Variants in FAM204A observed in about 807,000 individuals in gnomAD.
The protein encoded by FAM204A is protein FAM204A.
FAM204A carries 16 observed loss-of-function variants against 35.4 expected under a neutral mutation model. That is an observed-to-expected ratio of 0.45 (90% CI 0.31 to 0.69). FAM204A has a LOEUF of 0.69. Ranked by LOEUF, FAM204A falls within the 30% of genes least tolerant of loss-of-function variation. The pLI is 0.07. For missense variants in FAM204A, 240 were observed against 265.7 expected, an observed-to-expected ratio of 0.90 and a Z score of 0.67; for synonymous variants, 76 against 86.9, an observed-to-expected ratio of 0.88 and a Z score of 0.70.
intron 6 of FAM204A, among the ~76,000 whole-genome samples, chr10:118,332,742 C>A (rs1016403670): frequency 6.6e-6 from 1 of 152,126 alleles, no homozygotes; most frequent in East Asian, 1.9e-4. Flanking sequence ...TTGAAAAATT[C>A]ATCAAAGACA....
intron 7 of FAM204A, among the ~76,000 whole-genome samples, chr10:118,325,255 G>C (rs985069713): frequency 1.3e-5 from 2 of 152,144 alleles, no homozygotes; most frequent in African/African-American, 4.8e-5. Context: ...AATGATGGAA[G>C]AGTGCAACAG....
Position 118,326,229 on chromosome 10 carries a change from C to G in FAM204A, c.468G>C (p.Lys156Asn). 6.2e-7 allele frequency: 1 copy of G among 1,613,442 alleles called. No individual in the cohort carries two copies. Among genetic ancestry groups the G allele is most frequent in the Non-Finnish European group, 8.5e-7 (1 of 1,179,730 alleles). The change falls in exon 7 of 9, where the codon AAG becomes AAC. Residue 156 changes from lysine (K) to asparagine (N), a missense_variant. Transcript: ENST00000369183. ...ACTCCTCCACAGCCTGGTCTATCCTCTTTTCAAGGCCTGACTAGAAAAAAA... is the reference window on the plus strand; with the variant it reads ...ACTCCTCCACAGCCTGGTCTATCCTGTTTTCAAGGCCTGACTAGAAAAAAA... ...RKKVEKSGLE[K>N]RIDQAVEEWN...
rs575127644 is a variant in FAM204A at position 118,309,165 on chromosome 10, A to T, written c.*1692T>A. 2.4e-4 allele frequency: 36 copies of T among 152,350 alleles called. No homozygotes were observed. The highest frequency in any genetic ancestry group is 8.4e-4 in the African/African-American group (35 of 41,572). 9.4% of individuals were successfully genotyped at this position (152,350 alleles called of 1,614,324 possible). A position where few individuals can be genotyped will look rare whatever the true frequency, so the allele number is the denominator to read the frequency against. ...ATGGAACAAGGGATATTAAATCATA[A>T]AATAAGACTTTCCAACATTTGGTCT... On this transcript the variant is annotated 3_prime_UTR_variant, in exon 9 of 9. Transcript: ENST00000369183.
rs114936377 is a variant in FAM204A at position 118,327,402 on chromosome 10, C to A, written c.454-1159G>T. Among the ~76,000 whole-genome samples the A allele has an allele frequency of 8.5e-3, 1,296 of 152,322 alleles. 20 individuals are homozygous for A. The highest frequency in any genetic ancestry group is 0.03 in the African/African-American group (1,231 of 41,558). ...GCTAAGAGAAGACGATTCCTTCTCACAGACCCCACCTAAGTACTTAATACC... is the reference window on the plus strand; with the variant it reads ...GCTAAGAGAAGACGATTCCTTCTCAAAGACCCCACCTAAGTACTTAATACC... On this transcript the variant is annotated intron_variant, in intron 6 of 8. Transcript: ENST00000369183.
At chr10:118,325,842 C>T (rs1308144011) in intron 7 of FAM204A, among the ~76,000 whole-genome samples, 1 of 152,016 alleles carries the variant, frequency 6.6e-6, no homozygotes, top group Non-Finnish European at 1.5e-5. Flanking sequence ...GTTAAAGATG[C>T]AAACGGAAAA....
At position 118,300,025 on chromosome 10, in the gene FAM204A, A is replaced by T. The variant is rs1845792300; in HGVS notation, c.*10832T>A. The T allele has an allele frequency of 6.6e-6, 1 of 152,158 alleles. No individual in the cohort carries two copies. The highest frequency in any genetic ancestry group is 2.4e-5 in the African/African-American group (1 of 41,432). 9.4% of individuals were successfully genotyped at this position (152,158 alleles called of 1,614,324 possible). A position where few individuals can be genotyped will look rare whatever the true frequency, so the allele number is the denominator to read the frequency against. ...GAACAAAGTAGCAACTGTATTGAGGACCGTCCATGACAGCTTGCTGATTTG... is the reference window on the plus strand; with the variant it reads ...GAACAAAGTAGCAACTGTATTGAGGTCCGTCCATGACAGCTTGCTGATTTG... On this transcript the variant is annotated 3_prime_UTR_variant, in exon 9 of 9. Coordinates refer to ENST00000369183, the MANE Select transcript of FAM204A (RefSeq NM_022063.3).
intron 6 of FAM204A, among the ~76,000 whole-genome samples, chr10:118,333,273 C>T (rs1207490708): frequency 6.6e-6 from 1 of 152,168 alleles, no homozygotes; most frequent in Non-Finnish European, 1.5e-5. Context: ...TAAAAAGGTT[C>T]TCTCAGATAT....
At chr10:118,340,526 T>C (rs1024669640) in intron 2 of FAM204A, among the ~76,000 whole-genome samples, 15 of 152,332 alleles carry the variant, frequency 9.8e-5, no homozygotes, top group African/African-American at 3.6e-4. Flanking sequence ...CCTGGATGTA[T>C]CACTCCATTC....
intron 7 of FAM204A, among the ~76,000 whole-genome samples, chr10:118,314,946 G>A (rs1325104651): frequency 6.6e-6 from 1 of 152,032 alleles, no homozygotes; most frequent in Non-Finnish European, 1.5e-5. Flanking sequence ...AACCAAGGGT[G>A]TAAAATGTTC....
chr10:118,331,902 G>A (rs1846295329), intron 6 of FAM204A, among the ~76,000 whole-genome samples: 1 of 149,860 alleles, frequency 6.7e-6, no homozygotes, highest in African/African-American at 2.4e-5. Context: ...TCGGCTGGGT[G>A]TGATGGCTCA....
At position 118,318,400 on chromosome 10, in the gene FAM204A, C is replaced by T. The variant is rs1359101309; in HGVS notation, c.544-7087G>A. On this transcript the variant is annotated intron_variant, in intron 7 of 8. Transcript: ENST00000369183. ...CCTGATACTAGCAATGAAGTAACTT[C>T]CTTTCCATAAAAATAAAATATTCAA... 5.3e-5 allele frequency among the ~76,000 whole-genome samples: 8 copies of T among 152,038 alleles called. No individual in the cohort carries two copies. The South Asian group carries it at 1.2e-3, about 24-fold the overall frequency.
chr10:118,308,882 G>GA lies in FAM204A; in HGVS notation c.*1974dup, dbSNP rs765959214. 4.3e-3 allele frequency: 472 copies of GA among 108,584 alleles called. No individual in the cohort carries two copies. Among genetic ancestry groups the GA allele is most frequent in the Middle Eastern group, 5.2e-3 (1 of 192 alleles). The allele number at this position is 108,584 out of a possible 1,614,324, so 6.7% of individuals were successfully genotyped here. A position where few individuals can be genotyped will look rare whatever the true frequency, so the allele number is the denominator to read the frequency against. On this transcript the variant is annotated 3_prime_UTR_variant, in exon 9 of 9. Coordinates refer to ENST00000369183, the MANE Select transcript of FAM204A (RefSeq NM_022063.3). ...CTAAATGCTCTAAGGAGTAGAAACAGAAAAAAAAAAAAAAATGAGACTGAA... is the reference window on the plus strand; with the variant it reads ...CTAAATGCTCTAAGGAGTAGAAACAGAAAAAAAAAAAAAAAATGAGACTGAA...
chr10:118,315,728 C>G (rs1846020182), intron 7 of FAM204A, among the ~76,000 whole-genome samples: 1 of 152,100 alleles, frequency 6.6e-6, no homozygotes, highest in Admixed American at 6.6e-5. Context: ...ATCAAAGAGA[C>G]AAAAACCCCT....
chr10:118,317,363 A>G (rs1304409013), intron 7 of FAM204A, among the ~76,000 whole-genome samples: 2 of 152,234 alleles, frequency 1.3e-5, no homozygotes, highest in Middle Eastern at 3.4e-3. Flanking sequence ...TCTACAGTAT[A>G]AACTGTGCTT....
intron 2 of FAM204A, among the ~76,000 whole-genome samples, chr10:118,336,903 G>C (rs999861918): frequency 6.6e-6 from 1 of 152,142 alleles, no homozygotes; most frequent in Non-Finnish European, 1.5e-5. Context: ...CTTGTCTAAG[G>C]AGCAGGAAAA....
chr10:118,335,173 G>C lies in FAM204A; in HGVS notation c.394C>G (p.Gln132Glu). Residue 132 changes from glutamine to glutamate, a missense_variant, in exon 6 of 9, where the codon CAG becomes GAG. Physicochemically the swap from Gln to Glu is conservative, Grantham distance 29. This residue lies in a region of FAM204A where 232 missense variants were observed against 242.8 expected (regional missense o/e 0.96). Coordinates refer to ENST00000369183, the MANE Select transcript of FAM204A (RefSeq NM_022063.3). The part of the protein sequence containing the change: ...SNETQWKELT[Q>E]YFGVNDRFDP... ...AATCTATCATTGACTCCAAAATACT[G>C]AGTAAGCTCTTTCCACTGGGTTTCA... 1 of 1,613,320 alleles carries C rather than the reference G, an allele frequency of 6.2e-7. No individual in the cohort carries two copies. The highest frequency in any genetic ancestry group is 8.5e-7 in the Non-Finnish European group (1 of 1,179,764).
intron 8 of FAM204A, 149 bp from the exon 9 acceptor site, chr10:118,311,057 A>C: frequency 9.8e-7 from 1 of 1,017,420 alleles, no homozygotes; most frequent in Non-Finnish European, 1.5e-6. Context: ...GGATGAAGAA[A>C]TGCCTCTATA....
chr10:118,336,412 A>C lies in FAM204A; in HGVS notation c.4T>G (p.Trp2Gly). Residue 2 changes from tryptophan to glycine, a missense_variant, in exon 3 of 9, where the codon TGG becomes GGG. Coordinates refer to ENST00000369183, the MANE Select transcript of FAM204A (RefSeq NM_022063.3). ...AGGCCAGGAGGTAGCAGCCCACTCC[A>C]CATCTTTTCTTCTATGAGGAAAAAG... MWSGLLPPGLNE... is the reference protein window; with the variant it reads MGSGLLPPGLNE... The C allele has an allele frequency of 6.2e-7, 1 of 1,606,744 alleles. No homozygotes were observed. Among genetic ancestry groups the C allele is most frequent in the Non-Finnish European group, 8.5e-7 (1 of 1,177,272 alleles).
rs947113303 is a variant in FAM204A, at chr10:118,322,674, A to C, written c.543+3480T>G. Among the ~76,000 whole-genome samples the C allele has an allele frequency of 2.6e-5, 4 of 152,276 alleles. No homozygotes were observed. The South Asian group carries it at 6.2e-4, about 24-fold the overall frequency. The stretch of plus-strand genomic sequence containing the variant: ...GGTAAATTTAAATAAAGTATGTCAA[A>C]TTAGAAAACATGAAGGCAAATGTTG... On this transcript the variant is annotated intron_variant, in intron 7 of 8. Coordinates refer to ENST00000369183, the MANE Select transcript of FAM204A (RefSeq NM_022063.3).
Sources: allele counts gnomAD v4.1 joint callset (sites outside exome capture counted in the v4.1 genomes callset), GRCh38; gene constraint gnomAD v4.1.1; regional missense constraint gnomAD v4.1.1; transcripts MANE v1.5; gene names NCBI Gene and HGNC (gene_info 2026-07-23, HGNC 2026-07-21).